Variants in MECOM observed in about 807,000 individuals in gnomAD.
MECOM encodes the protein MDS1 and EVI1 complex locus.
Under a neutral mutation model 116.3 loss-of-function variants are expected in MECOM, and 13 were observed. The observed-to-expected ratio is 0.11, with a 90% CI of 0.07 to 0.18. The LOEUF (loss-of-function observed/expected upper bound fraction) is 0.18, where lower values mean the gene tolerates loss of function less well. MECOM is among the 10% of genes least tolerant of loss of function. MECOM has a pLI of 1.00. For synonymous variants in MECOM, 528 were observed against 535.2 expected (o/e 0.99, Z 0.19); for missense variants, 1,299 against 1,509.0 (o/e 0.86, Z 2.31).
chr3:169,223,078 ACT>A (rs1189165881), intron 2 of MECOM, among the ~76,000 whole-genome samples: 1 of 151,904 alleles, frequency 6.6e-6, no homozygotes, highest in Non-Finnish European at 1.5e-5. Flanking sequence ...TATAAGAATG[ACT>A]CTAAGTATCT....
At chr3:169,165,966 T>G (rs1743532999) in intron 2 of MECOM, among the ~76,000 whole-genome samples, 1 of 152,124 alleles carries the variant, frequency 6.6e-6, no homozygotes, top group African/African-American at 2.4e-5. Context: ...GTGAAGGGAT[T>G]TTTAATGTTC....
intron 16 of MECOM, among the ~76,000 whole-genome samples, chr3:169,087,205 T>C (rs1718068173): frequency 6.6e-6 from 1 of 152,158 alleles, no homozygotes; most frequent in Non-Finnish European, 1.5e-5. Flanking sequence ...CCCTTTTGCT[T>C]TCTGTCACTT....
intron 2 of MECOM, among the ~76,000 whole-genome samples, chr3:169,217,630 A>G (rs1408492586): frequency 6.6e-6 from 1 of 151,946 alleles, no homozygotes; most frequent in African/African-American, 2.4e-5. Context: ...CTAAAAATAC[A>G]AACATTAGCT....
intron 2 of MECOM, among the ~76,000 whole-genome samples, chr3:169,163,793 A>C (rs1206492521): frequency 2.6e-5 from 4 of 152,168 alleles, no homozygotes; most frequent in African/African-American, 9.7e-5. Flanking sequence ...GTTGGCATTT[A>C]AGGTCACTCC....
At chr3:169,140,817 A>AT (rs5854308) in intron 3 of MECOM, among the ~76,000 whole-genome samples, 116,409 of 151,838 alleles carry the variant, frequency 0.77, 45,469 homozygotes, top group Non-Finnish European at 0.84. Context: ...TTTCATTTTT[A>AT]TTTTTTCTGA....
In MECOM at chr3:169,527,059, CTG is replaced by C. The variant is rs1758044998; in HGVS notation, c.37+136275_37+136276del. Among the ~76,000 whole-genome samples the C allele has an allele frequency of 2.0e-5, 3 of 152,330 alleles. No individual in the cohort carries two copies. In the South Asian group the frequency reaches 6.2e-4, roughly 32 times the overall value. On this transcript the variant is annotated intron_variant, in intron 1 of 16. Coordinates refer to ENST00000651503, the MANE Select transcript of MECOM (RefSeq NM_004991.4). ...CTGTTAAGAATGGAAATCAAAGTCA[CTG>C]TAACTATTAACACTTAAAAGTGAAG...
intron 2 of MECOM, among the ~76,000 whole-genome samples, chr3:169,249,698 T>G (rs2149579752): frequency 6.6e-6 from 1 of 152,332 alleles, no homozygotes; most frequent in South Asian, 2.1e-4. Context: ...GCACAATGGC[T>G]TAGAACACAG....
At chr3:169,374,091 T>A (rs1214444210) in intron 2 of MECOM, among the ~76,000 whole-genome samples, 2 of 151,762 alleles carry the variant, frequency 1.3e-5, no homozygotes, top group Non-Finnish European at 2.9e-5. Context: ...AGGATTAGTG[T>A]CCTTATATTA....
At chr3:169,386,862 G>T (rs576437810) in intron 1 of MECOM, among the ~76,000 whole-genome samples, 1 of 152,164 alleles carries the variant, frequency 6.6e-6, no homozygotes, top group East Asian at 1.9e-4. Flanking sequence ...TTTTAATAAA[G>T]AAAATTATAT....
intron 3 of MECOM, among the ~76,000 whole-genome samples, chr3:169,138,066 T>C (rs899407557): frequency 6.6e-6 from 1 of 152,082 alleles, no homozygotes; most frequent in Non-Finnish European, 1.5e-5. Context: ...AAAAAGATCA[T>C]CTTTGGTGTT....
intron 1 of MECOM, among the ~76,000 whole-genome samples, chr3:169,594,176 A>AAAAAAAAAAAAAAAC (rs1553894631): frequency 5.7e-5 from 8 of 139,808 alleles, no homozygotes; most frequent in South Asian, 2.2e-4. Flanking sequence ...AAAAAAAAAA[A>AAAAAAAAAAAAAAAC]CACCTTTTCA....
chr3:169,531,149 A>G (rs1758578482), intron 1 of MECOM, among the ~76,000 whole-genome samples: 1 of 152,166 alleles, frequency 6.6e-6, no homozygotes, highest in Non-Finnish European at 1.5e-5. Flanking sequence ...TGCAAACCTG[A>G]CAGCTCTTCA....
intron 14 of MECOM, among the ~76,000 whole-genome samples, chr3:169,091,689 T>C (rs73166184): frequency 0.072 from 10,902 of 152,070 alleles, 506 homozygotes; most frequent in South Asian, 0.22. Flanking sequence ...AACTGCACAC[T>C]GGTGTAGTTA....
At chr3:169,128,156 A>G in intron 4 of MECOM, 96 bp from the exon 5 acceptor site, 1 of 995,786 alleles carries the variant, frequency 1.0e-6, no homozygotes, top group Non-Finnish European at 1.6e-6. Flanking sequence ...AATAGGTATT[A>G]TTTGATTGTC....
intron 1 of MECOM, among the ~76,000 whole-genome samples, chr3:169,512,768 C>CT (rs533947916): frequency 6.3e-4 from 95 of 151,904 alleles, no homozygotes; most frequent in African/African-American, 2.1e-3. Flanking sequence ...CCACTTCTTC[C>CT]TGCAGGGCCA....
intron 2 of MECOM, among the ~76,000 whole-genome samples, chr3:169,370,070 C>A (rs1729839080): frequency 6.6e-6 from 1 of 151,872 alleles, no homozygotes; most frequent in Admixed American, 6.6e-5. Context: ...GAAATAAATG[C>A]CAAACCAGTC....
rs1191468270 is a variant in MECOM, at chr3:169,381,470, T to C, written c.92A>G (p.Asp31Gly). ...GGGAGTGCTGGCTACTCCATCTGCATCTGGCATTTCTTCCAAAGGTATTTC... is the reference window on the plus strand; with the variant it reads ...GGGAGTGCTGGCTACTCCATCTGCACCTGGCATTTCTTCCAAAGGTATTTC... ...YPEIPLEEMP[D>G]ADGVASTPSL... The change falls in exon 2 of 17, where the codon GAT (aspartate) becomes GGT (glycine). Residue 31 changes from aspartate (D) to glycine (G), a missense_variant. Asp to Gly is a moderately conservative substitution (Grantham distance 94). Coordinates refer to ENST00000651503, the MANE Select transcript of MECOM (RefSeq NM_004991.4). The C allele has an allele frequency of 1.2e-6, 2 of 1,613,320 alleles. No homozygotes were observed. Among genetic ancestry groups the C allele is most frequent in the East Asian group, 4.5e-5 (2 of 44,836 alleles).
intron 2 of MECOM, among the ~76,000 whole-genome samples, chr3:169,331,154 C>G (rs1577736997): frequency 6.6e-6 from 1 of 151,960 alleles, no homozygotes; most frequent in East Asian, 1.9e-4. Context: ...CCACTACCAC[C>G]AAGATATAGA....
chr3:169,119,771 A>G (rs1730381713), intron 7 of MECOM, among the ~76,000 whole-genome samples: 1 of 152,074 alleles, frequency 6.6e-6, no homozygotes, highest in African/African-American at 2.4e-5. Flanking sequence ...TGCGACAAGA[A>G]GTCTAAAATT....
Sources: gnomAD v4.1 joint callset for allele counts (sites outside exome capture counted in the v4.1 genomes callset) on GRCh38, gnomAD v4.1.1 for gene constraint, MANE v1.5 for transcripts, NCBI Gene and HGNC (gene_info 2026-07-23, HGNC 2026-07-21) for gene names.